Variants in EHBP1 observed in about 807,000 individuals in gnomAD.
EHBP1 encodes the protein EH domain binding protein 1.
EHBP1 carries 55 observed loss-of-function variants against 144.0 expected under a neutral mutation model. The observed-to-expected ratio is 0.38, with a 90% CI of 0.31 to 0.48. EHBP1 has a LOEUF of 0.48. EHBP1 is among the 20% of genes least tolerant of loss of function. The pLI, the probability that EHBP1 is intolerant of heterozygous loss-of-function variation, is 0.98. For synonymous variants in EHBP1, 469 were observed against 472.7 expected (o/e 0.99, Z 0.10); for missense variants, 1,200 against 1,364.2 (o/e 0.88, Z 1.90).
rs560529331 is a variant in EHBP1 at position 62,771,459 on chromosome 2, T to C, written c.312+67T>C. 19 of 1,198,646 alleles carry C rather than the reference T, an allele frequency of 1.6e-5. No homozygotes were observed. The African/African-American group carries it at 2.0e-4, about 13-fold the overall frequency. The allele number at this position is 1,198,646 out of a possible 1,614,324, so 74.3% of individuals were successfully genotyped here. ...TTTATATATGCATTATTAAGGTACA[T>C]TGGCATTTTGGTGGTAGGAAAAATG... On this transcript the variant is annotated intron_variant, in intron 5 of 22. Transcript: ENST00000431489.
At chr2:62,989,572 T>C (rs2059335055) in intron 15 of EHBP1, among the ~76,000 whole-genome samples, 1 of 152,166 alleles carries the variant, frequency 6.6e-6, no homozygotes, top group Non-Finnish European at 1.5e-5. Context: ...CTTAATGTTT[T>C]CCAAAACGAA....
At chr2:62,930,676 T>G (rs2055913738) in intron 10 of EHBP1, among the ~76,000 whole-genome samples, 1 of 152,162 alleles carries the variant, frequency 6.6e-6, no homozygotes, top group African/African-American at 2.4e-5. Context: ...CATGAAGACA[T>G]ATAGACCAAC....
At chr2:62,679,063 G>A (rs888017172) in intron 1 of EHBP1, among the ~76,000 whole-genome samples, 17 of 152,178 alleles carry the variant, frequency 1.1e-4, no homozygotes, top group African/African-American at 4.1e-4. Flanking sequence ...GTGAGATACG[G>A]CCTGGACTCC....
intron 4 of EHBP1, among the ~76,000 whole-genome samples, chr2:62,769,858 A>G (rs901437355): frequency 6.6e-6 from 1 of 151,934 alleles, no homozygotes; most frequent in African/African-American, 2.4e-5. Context: ...TAACCCAGAA[A>G]CAAGGCCACA....
At chr2:62,683,028 A>G (rs2033586429) in intron 1 of EHBP1, among the ~76,000 whole-genome samples, 1 of 152,232 alleles carries the variant, frequency 6.6e-6, no homozygotes, top group Admixed American at 6.5e-5. Flanking sequence ...AGTTGCAAGC[A>G]GCAGAAAATT....
chr2:62,842,469 C>A (rs994791267), intron 7 of EHBP1, among the ~76,000 whole-genome samples: 1 of 152,164 alleles, frequency 6.6e-6, no homozygotes, highest in African/African-American at 2.4e-5. Flanking sequence ...GCTCCACCTC[C>A]TAATACCCTC....
chr2:62,728,930 A>C (rs1400898017), intron 2 of EHBP1, among the ~76,000 whole-genome samples: 1 of 151,450 alleles, frequency 6.6e-6, no homozygotes, highest in Non-Finnish European at 1.5e-5. Context: ...TTTTGAGTTA[A>C]TTTTTGTGTA....
chr2:62,993,121 G>A (rs2059478563), intron 16 of EHBP1, among the ~76,000 whole-genome samples: 1 of 152,062 alleles, frequency 6.6e-6, no homozygotes, highest in Non-Finnish European at 1.5e-5. Context: ...AGTTCAGTAG[G>A]GTAGTATTAT....
chr2:62,725,991 C>T lies in EHBP1; in HGVS notation c.104+18696C>T, dbSNP rs560660574. On this transcript the variant is annotated intron_variant, in intron 2 of 22. Coordinates refer to ENST00000431489, the MANE Select transcript of EHBP1 (RefSeq NM_001142616.3). ...GCAAGCAGAAGTGGCCAGGCTAGGACCCAGGGAGAGGCCAGCAGACCAAGG... is the reference window on the plus strand; with the variant it reads ...GCAAGCAGAAGTGGCCAGGCTAGGATCCAGGGAGAGGCCAGCAGACCAAGG... Among the ~76,000 whole-genome samples, 4 of 152,116 alleles carry T rather than the reference C, an allele frequency of 2.6e-5. No individual in the cohort carries two copies. The South Asian group carries it at 8.3e-4, about 32-fold the overall frequency.
At chr2:62,892,110 A>C (rs2152917673) in intron 10 of EHBP1, among the ~76,000 whole-genome samples, 1 of 152,280 alleles carries the variant, frequency 6.6e-6, no homozygotes, top group East Asian at 1.9e-4. Context: ...TTTACATCAT[A>C]ATTGTTTATC....
At chr2:62,806,558 C>T (rs1267919523) in intron 5 of EHBP1, among the ~76,000 whole-genome samples, 4 of 151,872 alleles carry the variant, frequency 2.6e-5, no homozygotes, top group Admixed American at 2.6e-4. Context: ...GAGAGGGTAT[C>T]TCTGTATATT....
intron 15 of EHBP1, 90 bp downstream of exon 15, chr2:62,979,425 G>C: frequency 7.2e-7 from 1 of 1,386,626 alleles, no homozygotes; most frequent in Non-Finnish European, 9.7e-7. Flanking sequence ...TCAAAATGTT[G>C]CTTCAAAAAT....
At chr2:62,707,795 G>A (rs891009107) in intron 2 of EHBP1, among the ~76,000 whole-genome samples, 4 of 151,934 alleles carry the variant, frequency 2.6e-5, no homozygotes, top group African/African-American at 4.8e-5. Context: ...TTGATTAATG[G>A]AATGCCATCC....
At chr2:62,910,511 C>T (rs1318221176) in intron 10 of EHBP1, among the ~76,000 whole-genome samples, 1 of 151,810 alleles carries the variant, frequency 6.6e-6, no homozygotes, top group Non-Finnish European at 1.5e-5. Flanking sequence ...GTGTTGTAAA[C>T]TCTATAAGAA....
At position 62,942,733 on chromosome 2, in the gene EHBP1, A is replaced by G; in HGVS notation, c.1201A>G (p.Ser401Gly). 1 of 1,605,264 alleles carries G rather than the reference A, an allele frequency of 6.2e-7. No individual in the cohort carries two copies. The highest frequency in any genetic ancestry group is 2.2e-5 in the East Asian group (1 of 44,720). ...TTTTTTCTAGCCAAGCCCTATACCA[A>G]GTCCTGTTTTGGGGCGAAAGCCAAA... ...STSPKPSPIPSPVLGRKPNAS... is the reference protein window; with the variant it reads ...STSPKPSPIPGPVLGRKPNAS... Residue 401 changes from serine (S) to glycine (G), a missense_variant, in exon 11 of 23, where the codon AGT becomes GGT. By Grantham distance (56) the Ser-to-Gly change is moderately conservative. This residue lies in a region of EHBP1 where 266 missense variants were observed against 262.4 expected (regional missense o/e 1.01). Coordinates refer to ENST00000431489, the MANE Select transcript of EHBP1 (RefSeq NM_001142616.3).
intron 15 of EHBP1, among the ~76,000 whole-genome samples, chr2:62,981,802 A>G (rs1365667877): frequency 6.6e-6 from 1 of 152,234 alleles, no homozygotes; most frequent in African/African-American, 2.4e-5. Flanking sequence ...GAACAAGGAA[A>G]GCCAGGTGAA....
At chr2:62,804,592 C>G (rs72888955) in intron 5 of EHBP1, among the ~76,000 whole-genome samples, 1 of 152,130 alleles carries the variant, frequency 6.6e-6, no homozygotes, top group Admixed American at 6.5e-5. Context: ...TAAAAACTAA[C>G]GTATATTTAA....
At chr2:62,805,435 T>C (rs1433655009) in intron 5 of EHBP1, among the ~76,000 whole-genome samples, 2 of 151,516 alleles carry the variant, frequency 1.3e-5, no homozygotes, top group African/African-American at 4.8e-5. Flanking sequence ...GGTGGACTTA[T>C]GTATAGTCTT....
chr2:62,716,191 C>T (rs971734195), intron 2 of EHBP1, among the ~76,000 whole-genome samples: 3 of 152,026 alleles, frequency 2.0e-5, no homozygotes, highest in Admixed American at 6.5e-5. Context: ...CCCCCCACCA[C>T]GCCCCAACCC....
Sources: gnomAD v4.1 joint callset for allele counts (sites outside exome capture counted in the v4.1 genomes callset) on GRCh38, gnomAD v4.1.1 for gene constraint, gnomAD v4.1.1 regional missense constraint, MANE v1.5 for transcripts, NCBI Gene and HGNC (gene_info 2026-07-23, HGNC 2026-07-21) for gene names.